FRAS1: variants seen among roughly 807,000 people sequenced by gnomAD.
FRAS1 encodes extracellular matrix organizing protein FRAS1.
In FRAS1, 290 loss-of-function variants were observed where a neutral mutation model predicts 435.2. The ratio of observed to expected loss-of-function variants is 0.67; its 90% CI spans 0.61 to 0.73. FRAS1 has a LOEUF of 0.73. FRAS1 is among the 30% of genes least tolerant of loss of function. The pLI is 0.00. For synonymous variants in FRAS1, 1,800 were observed against 1,851.0 expected, an observed-to-expected ratio of 0.97 and a Z score of 0.71; for missense variants, 4,860 against 5,001.5, an observed-to-expected ratio of 0.97 and a Z score of 0.85.
chr4:78,527,658 A>G (rs1238809509), intron 70 of FRAS1, among the ~76,000 whole-genome samples: 3 of 152,180 alleles, frequency 2.0e-5, no homozygotes, highest in African/African-American at 7.2e-5. Flanking sequence ...GGTGGACTAA[A>G]GGGGATACAA....
chr4:78,075,706 T>G (rs1740605634), intron 2 of FRAS1, among the ~76,000 whole-genome samples: 2 of 152,190 alleles, frequency 1.3e-5, no homozygotes, highest in Admixed American at 1.3e-4. Context: ...GAGTAACATG[T>G]GAAAGTACTT....
At chr4:78,215,696 A>C (rs1471342377) in intron 2 of FRAS1, among the ~76,000 whole-genome samples, 1 of 152,224 alleles carries the variant, frequency 6.6e-6, no homozygotes, top group Non-Finnish European at 1.5e-5. Flanking sequence ...ATATAAGTGG[A>C]ACCATACAGC....
chr4:78,507,533 G>C lies in FRAS1; in HGVS notation c.9429G>C (p.Gly3143=), dbSNP rs779735394. The C allele has an allele frequency of 3.7e-6, 6 of 1,611,964 alleles. No homozygotes were observed. The highest frequency in any genetic ancestry group is 5.1e-6 in the Non-Finnish European group (6 of 1,179,188). ...GPDDPVEAVL[G]DVTTATVTIL... ...ATGACCCAGTGGAAGCAGTTCTTGG[G>C]GATGTGACTACTGCCACGGTGACAA... The change falls in exon 62 of 74, where the codon GGG becomes GGC. Residue 3143 remains glycine, a synonymous_variant. Transcript: ENST00000512123.
chr4:78,143,677 C>G (rs1302568587), intron 2 of FRAS1, among the ~76,000 whole-genome samples: 1 of 151,368 alleles, frequency 6.6e-6, no homozygotes, highest in Non-Finnish European at 1.5e-5. Context: ...TGGCAGATCA[C>G]TTGAGCTCAG....
Position 78,429,123 on chromosome 4 carries a change from G to T in FRAS1, c.4740G>T (p.Glu1580Asp). The T allele has an allele frequency of 6.4e-7, 1 of 1,565,402 alleles. No homozygotes were observed. Among genetic ancestry groups the T allele is most frequent in the East Asian group, 2.4e-5 (1 of 42,012 alleles). Reference protein sequence around the residue: ...TVSDGEHTSPEMVLTIHLLPS... With the variant: ...TVSDGEHTSPDMVLTIHLLPS... ...CAGATGGAGAACACACAAGTCCGGA[G>T]ATGGTCCTCACCATTCACTTACTTC... is the stretch of plus-strand genomic sequence containing the variant. The change falls in exon 36 of 74, where the codon GAG becomes GAT. Residue 1580 changes from glutamate to aspartate, a missense_variant. By Grantham distance (45) the Glu-to-Asp change is conservative. Coordinates refer to ENST00000512123, the MANE Select transcript of FRAS1 (RefSeq NM_025074.7).
At position 78,337,790 on chromosome 4, in the gene FRAS1, T is replaced by G; in HGVS notation, c.2395T>G (p.Phe799Val). 1 of 1,613,904 alleles carries G rather than the reference T, an allele frequency of 6.2e-7. No homozygotes were observed. Among genetic ancestry groups the G allele is most frequent in the South Asian group, 1.1e-5 (1 of 91,070 alleles). ...NCRTSCREEQ[F>V]LNLVGYCADC... ...CAGGACCAGCTGCAGGGAAGAGCAG[T>G]TCCTCAACCTCGTGGGATACTGTGC... The change falls in exon 20 of 74, where the codon TTC becomes GTC. Residue 799 changes from phenylalanine to valine, a missense_variant. Coordinates refer to ENST00000512123, the MANE Select transcript of FRAS1 (RefSeq NM_025074.7).
rs922504800 is a variant in FRAS1, at chr4:78,184,268, G to A, written c.109-53242G>A. On this transcript the variant is annotated intron_variant, in intron 2 of 73. Coordinates refer to ENST00000512123, the MANE Select transcript of FRAS1 (RefSeq NM_025074.7). Reference sequence around the variant, plus strand: ...GGAATTGGCATACATGACTGTAGGGGTTGGCTAAGCAAGTCTTTTACTGCA... The same window carrying A: ...GGAATTGGCATACATGACTGTAGGGATTGGCTAAGCAAGTCTTTTACTGCA... 7.2e-5 allele frequency among the ~76,000 whole-genome samples: 11 copies of A among 152,300 alleles called. 1 individual carries two copies. The South Asian group carries it at 2.1e-3, about 29-fold the overall frequency.
At chr4:78,252,969 A>G (rs1725612857) in intron 5 of FRAS1, among the ~76,000 whole-genome samples, 1 of 152,186 alleles carries the variant, frequency 6.6e-6, no homozygotes, top group Non-Finnish European at 1.5e-5. Context: ...TTGAGAGCAA[A>G]GAACTGGTCT....
intron 66 of FRAS1, among the ~76,000 whole-genome samples, chr4:78,518,454 T>G (rs961291936): frequency 9.9e-6 from 1 of 100,896 alleles, no homozygotes; most frequent in Non-Finnish European, 2.0e-5. Flanking sequence ...ATATATATAT[T>G]TATTTATTTA....
chr4:78,084,923 T>C (rs1175709300), intron 2 of FRAS1, among the ~76,000 whole-genome samples: 1 of 152,132 alleles, frequency 6.6e-6, no homozygotes, highest in Non-Finnish European at 1.5e-5. Flanking sequence ...AAATTTAGAA[T>C]TATTTTTATT....
At chr4:78,398,995 C>T (rs562643525) in intron 29 of FRAS1, among the ~76,000 whole-genome samples, 1 of 152,214 alleles carries the variant, frequency 6.6e-6, no homozygotes, top group East Asian at 1.9e-4. Context: ...AAAAAAAAAC[C>T]TGGGCCCAAG....
At chr4:78,331,827 C>T (rs746272868) in intron 18 of FRAS1, among the ~76,000 whole-genome samples, 2 of 152,142 alleles carry the variant, frequency 1.3e-5, no homozygotes. Context: ...AGATAAATGG[C>T]TGGTTGTTTT....
At position 78,499,816 on chromosome 4, in the gene FRAS1, G is replaced by C; in HGVS notation, c.9211G>C (p.Gly3071Arg). Residue 3071 changes from glycine to arginine, a missense_variant, in exon 61 of 74, where the codon GGG becomes CGG. Coordinates refer to ENST00000512123, the MANE Select transcript of FRAS1 (RefSeq NM_025074.7). Reference sequence around the variant, plus strand: ...TCTGAACATCAAGGTGATCCGCAGAGGGGATCAGAACAGGACCTCCAAGGT... The same window carrying C: ...TCTGAACATCAAGGTGATCCGCAGACGGGATCAGAACAGGACCTCCAAGGT... The part of the protein sequence containing the change: ...AILNIKVIRR[G>R]DQNRTSKVRC... 1 of 1,613,942 alleles carries C rather than the reference G, an allele frequency of 6.2e-7. No individual in the cohort carries two copies. The highest frequency in any genetic ancestry group is 8.5e-7 in the Non-Finnish European group (1 of 1,179,830).
Position 78,129,882 on chromosome 4 carries a change from C to T in FRAS1, c.108+63866C>T, listed in dbSNP as rs375951961. On this transcript the variant is annotated intron_variant, in intron 2 of 73. Transcript: ENST00000512123. ...CCATTTTCTCAGCTCTCACTTCCCA[C>T]TCTTTCCTCTCTCTAATTTTCCAGT... Among the ~76,000 whole-genome samples, 35 of 152,276 alleles carry T rather than the reference C, an allele frequency of 2.3e-4. No individual in the cohort carries two copies. The South Asian group carries it at 6.6e-3, about 29-fold the overall frequency.
At chr4:78,219,938 A>G (rs563035871) in intron 2 of FRAS1, among the ~76,000 whole-genome samples, 36 of 152,292 alleles carry the variant, frequency 2.4e-4, no homozygotes, top group Non-Finnish European at 4.6e-4. Flanking sequence ...CATCATTCTC[A>G]CCGACAGAGG....
At chr4:78,464,174 A>G in intron 48 of FRAS1, 29 bp downstream of exon 48, 1 of 1,591,760 alleles carries the variant, frequency 6.3e-7, no homozygotes, top group South Asian at 1.1e-5. Flanking sequence ...TCCATCCTTG[A>G]AAAGTATTGA....
chr4:78,420,453 TA>T (rs567081427), intron 33 of FRAS1, among the ~76,000 whole-genome samples: 33 of 107,204 alleles, frequency 3.1e-4, no homozygotes, highest in African/African-American at 9.0e-4. Context: ...GCCCTCCTTT[TA>T]AGGAGTGAAT....
In FRAS1 at chr4:78,387,361, C is replaced by T; in HGVS notation, c.3649-14C>T. The T allele has an allele frequency of 6.3e-7, 1 of 1,582,100 alleles. No individual in the cohort carries two copies. Among genetic ancestry groups the T allele is most frequent in the Non-Finnish European group, 8.6e-7 (1 of 1,161,578 alleles). On this transcript the variant is annotated splice_polypyrimidine_tract_variant and intron_variant, in intron 28 of 73. Transcript: ENST00000512123. ...TTCCCTCTTAACTGACTCTTCTTCC[C>T]TTCAACTCCACAGGCCCCCTATGTG...
Position 78,451,814 on chromosome 4 carries a change from G to C in FRAS1, c.6506G>C (p.Ser2169Thr). ...YSHGTGEPGG[S>T]FAFKFDVVDG... The stretch of plus-strand genomic sequence containing the variant: ...CATGGAACAGGAGAACCTGGAGGGA[G>C]CTTTGCTTTTAAATTTGATGTGGTT... Residue 2169 changes from serine to threonine, a missense_variant, in exon 46 of 74, where the codon AGC becomes ACC. By Grantham distance (58) the Ser-to-Thr change is moderately conservative. Coordinates refer to ENST00000512123, the MANE Select transcript of FRAS1 (RefSeq NM_025074.7). 6.2e-7 allele frequency: 1 copy of C among 1,612,760 alleles called. No homozygotes were observed. The highest frequency in any genetic ancestry group is 8.5e-7 in the Non-Finnish European group (1 of 1,179,002).
Sources: gnomAD v4.1 joint callset for allele counts (sites outside exome capture counted in the v4.1 genomes callset) on GRCh38, gnomAD v4.1.1 for gene constraint, MANE v1.5 for transcripts, NCBI Gene and HGNC (gene_info 2026-07-23, HGNC 2026-07-21) for gene names.